Variants in CELF5 observed in about 807,000 individuals in gnomAD.
CELF5 encodes the protein CUG-BP and ETR-3 like factor 5.
In CELF5, 6 loss-of-function variants were observed where a neutral mutation model predicts 54.9. That is an observed-to-expected ratio of 0.11 (90% CI 0.06 to 0.22). The LOEUF (loss-of-function observed/expected upper bound fraction) is 0.22. Ranked by LOEUF, CELF5 falls within the 10% of genes least tolerant of loss-of-function variation. The probability of loss-of-function intolerance (pLI) is 1.00; values close to 1 mark genes in which losing one functional copy is unlikely to be tolerated. For synonymous variants in CELF5, 271 were observed against 290.9 expected (o/e 0.93, Z 0.70); for missense variants, 401 against 678.6 (o/e 0.59, Z 4.54).
intron 1 of CELF5, among the ~76,000 whole-genome samples, chr19:3,227,140 C>T: frequency 6.6e-6 from 1 of 152,116 alleles, no homozygotes. Flanking sequence ...AAGTGAATCC[C>T]CACCTGCGTG....
chr19:3,251,757 C>A (rs546891203), intron 2 of CELF5, among the ~76,000 whole-genome samples: 2 of 150,244 alleles, frequency 1.3e-5, no homozygotes, highest in South Asian at 4.3e-4. Context: ...TCACTGCAAC[C>A]TCCGCCTCCC....
intron 12 of CELF5, chr19:3,295,539 A>T (rs992032949): frequency 1.9e-5 from 1 of 52,828 alleles, no homozygotes; most frequent in Admixed American, 2.0e-4. Flanking sequence ...CAGGTGCCCC[A>T]CCCCCACCCC....
chr19:3,276,649 T>C (rs1209182824), intron 4 of CELF5, among the ~76,000 whole-genome samples: 1 of 131,328 alleles, frequency 7.6e-6, no homozygotes, highest in Non-Finnish European at 1.7e-5. Context: ...TCTCTCTGCA[T>C]GCTGGCTGTG....
intron 4 of CELF5, among the ~76,000 whole-genome samples, chr19:3,276,770 A>C (rs1007383249): frequency 7.7e-6 from 1 of 130,562 alleles, no homozygotes; most frequent in African/African-American, 2.9e-5. Flanking sequence ...ATGGGGATGC[A>C]GGGGCAGTAC....
At chr19:3,227,798 C>T (rs565211621) in intron 1 of CELF5, among the ~76,000 whole-genome samples, 1 of 152,088 alleles carries the variant, frequency 6.6e-6, no homozygotes, top group Admixed American at 6.5e-5. Context: ...CATTACCCCC[C>T]CTGCCTTCCT....
At chr19:3,243,887 C>T (rs1352495076) in intron 1 of CELF5, among the ~76,000 whole-genome samples, 2 of 151,636 alleles carry the variant, frequency 1.3e-5, no homozygotes, top group African/African-American at 2.4e-5. Flanking sequence ...TCTATTTTTC[C>T]ATTTTTTATA....
Position 3,282,296 on chromosome 19 carries a change from G to A in CELF5, c.892+29G>A. 6.2e-7 allele frequency: 1 copy of A among 1,609,600 alleles called. No individual in the cohort carries two copies. Among genetic ancestry groups the A allele is most frequent in the Non-Finnish European group, 8.5e-7 (1 of 1,179,932 alleles). ...AGCCTCCTCCAGGCACCCAAGGATG[G>A]GTGGGCAGGGCTGGAGCCAGAACTG... On this transcript the variant is annotated intron_variant, in intron 7 of 12. Transcript: ENST00000292672. The surrounding 1 kb of genome is among the most constrained non-coding windows in gnomAD (Gnocchi z 5.2).
At chr19:3,240,718 G>A (rs557272960) in intron 1 of CELF5, among the ~76,000 whole-genome samples, 3 of 151,994 alleles carry the variant, frequency 2.0e-5, no homozygotes, top group African/African-American at 7.2e-5. Flanking sequence ...TCAGGAAGCC[G>A]TCTCCAAGCA....
intron 10 of CELF5, among the ~76,000 whole-genome samples, chr19:3,288,402 A>C (rs1459930092): frequency 6.6e-6 from 1 of 152,010 alleles, no homozygotes; most frequent in Non-Finnish European, 1.5e-5. Flanking sequence ...CATGCCTGTA[A>C]TCCCAGCTAC....
chr19:3,274,010 A>G, intron 3 of CELF5, 87 bp downstream of exon 3: 2 of 1,374,824 alleles, frequency 1.5e-6, no homozygotes, highest in Non-Finnish European at 2.1e-6. Context: ...TCTCCTGCAA[A>G]AGGGGCAGTG....
At chr19:3,272,114 T>C (rs956580642) in intron 2 of CELF5, among the ~76,000 whole-genome samples, 3 of 152,164 alleles carry the variant, frequency 2.0e-5, no homozygotes, top group Non-Finnish European at 4.4e-5. Flanking sequence ...ACGCCTGTAA[T>C]CCCAGCAATT....
At chr19:3,284,773 A>T in intron 8 of CELF5, 129 bp from the exon 9 acceptor site, 1 of 785,436 alleles carries the variant, frequency 1.3e-6, no homozygotes, top group Non-Finnish European at 2.2e-6. Flanking sequence ...TCCTGGTCCT[A>T]CAGAGGGTTT....
chr19:3,224,986 G>C lies in CELF5; in HGVS notation c.247G>C (p.Gly83Arg). 1 of 1,589,748 alleles carries C rather than the reference G, an allele frequency of 6.3e-7. No individual in the cohort carries two copies. ...ELTVLKDPYTGMHKGCAFLTY... is the reference protein window; with the variant it reads ...ELTVLKDPYTRMHKGCAFLTY... ...CACGGTGCTCAAAGACCCCTACACG[G>C]GGATGCACAAAGGTGGGCGCCCGGC... is the stretch of plus-strand genomic sequence containing the variant. The change falls in exon 1 of 13, where the codon GGG becomes CGG. Residue 83 changes from glycine (G) to arginine (R), a missense_variant. This residue lies in a region of CELF5 where 66 missense variants were observed against 132.3 expected (regional missense o/e 0.50). Transcript: ENST00000292672.
In CELF5 at chr19:3,225,040, C is replaced by T. The variant is rs1282089859; in HGVS notation, c.259+42C>T. ...CTCCCCCCTCTCCCCCTCCCTCCGCCTCCCACCCCACCTTCCGGCATCTTC... is the reference window on the plus strand; with the variant it reads ...CTCCCCCCTCTCCCCCTCCCTCCGCTTCCCACCCCACCTTCCGGCATCTTC... On this transcript the variant is annotated intron_variant, in intron 1 of 12. Transcript: ENST00000292672. The T allele has an allele frequency of 6.1e-6, 8 of 1,305,862 alleles. No individual in the cohort carries two copies. In the African/African-American group the frequency reaches 6.5e-5, roughly 11 times the overall value. 80.9% of individuals were successfully genotyped at this position (1,305,862 alleles called of 1,614,324 possible). A position where few individuals can be genotyped will look rare whatever the true frequency, so the allele number is the denominator to read the frequency against.
chr19:3,239,136 G>A (rs1425850528), intron 1 of CELF5, among the ~76,000 whole-genome samples: 1 of 151,938 alleles, frequency 6.6e-6, no homozygotes, highest in African/African-American at 2.4e-5. Flanking sequence ...GTCTCACTTT[G>A]TCACCCAGAC....
chr19:3,252,224 C>T (rs1037830368), intron 2 of CELF5, among the ~76,000 whole-genome samples: 2 of 151,826 alleles, frequency 1.3e-5, no homozygotes, highest in African/African-American at 2.4e-5. Flanking sequence ...TTTGTAGAGA[C>T]GGGGTCTCAT....
At chr19:3,261,397 G>A (rs1003199378) in intron 2 of CELF5, among the ~76,000 whole-genome samples, 1 of 149,662 alleles carries the variant, frequency 6.7e-6, no homozygotes, top group Admixed American at 6.7e-5. Context: ...CAGCATGGGC[G>A]ACAGAGCAAG....
chr19:3,293,347 C>T lies in CELF5; in HGVS notation c.1359C>T (p.Ser453=), dbSNP rs372894450. ...TCGTGAGCTTTGATAACCCGGCCAG[C>T]GCCCAGGCAGCCATCCAGGCCATGA... ...FGFVSFDNPA[S]AQAAIQAMNG... is the part of the protein sequence containing the mutation. Residue 453 remains serine, a synonymous_variant, in exon 12 of 13, where the codon AGC becomes AGT. Transcript: ENST00000292672. 5 of 1,614,028 alleles carry T rather than the reference C, an allele frequency of 3.1e-6. No homozygotes were observed. The highest frequency in any genetic ancestry group is 1.7e-5 in the Admixed American group (1 of 59,992).
intron 1 of CELF5, among the ~76,000 whole-genome samples, chr19:3,233,249 C>T (rs1387285136): frequency 6.6e-6 from 1 of 152,076 alleles, no homozygotes. Flanking sequence ...GATTATGCCA[C>T]TGCACTCCAA....
Sources: allele counts gnomAD v4.1 joint callset (sites outside exome capture counted in the v4.1 genomes callset), GRCh38; gene constraint gnomAD v4.1.1; regional missense constraint gnomAD v4.1.1; non-coding constraint Gnocchi (gnomAD v3.1); transcripts MANE v1.5; gene names NCBI Gene and HGNC (gene_info 2026-07-23, HGNC 2026-07-21).